Variants in ARHGEF11 observed in about 807,000 individuals in gnomAD.
The protein encoded by ARHGEF11 is Rho guanine nucleotide exchange factor 11, also known as Rho guanine exchange factor (GEF) 11.
In ARHGEF11, 55 loss-of-function variants were observed where a neutral mutation model predicts 193.7. The observed-to-expected ratio is 0.28, with a 90% CI of 0.23 to 0.36. The LOEUF is 0.36. ARHGEF11 is among the 10% of genes least tolerant of loss of function. The pLI is 1.00. For synonymous variants in ARHGEF11, 693 were observed against 768.0 expected (o/e 0.90, Z 1.62); for missense variants, 1,723 against 2,005.6 (o/e 0.86, Z 2.69).
At chr1:156,978,069 T>C in intron 6 of ARHGEF11, 135 bp downstream of exon 6, 10 of 1,366,784 alleles carry the variant, frequency 7.3e-6, no homozygotes, top group Non-Finnish European at 9.9e-6. Flanking sequence ...TTCAACTCTT[T>C]CAATGGTCTT....
At chr1:156,975,612 A>T (rs981384804) in intron 7 of ARHGEF11, among the ~76,000 whole-genome samples, 2 of 152,160 alleles carry the variant, frequency 1.3e-5, no homozygotes, top group African/African-American at 4.8e-5. Flanking sequence ...CATATCTAAG[A>T]AACCACTGCC....
Position 156,948,614 on chromosome 1 carries a change from C to T in ARHGEF11, c.1926-116G>A. ...AAGATGCCTCCGTGCCACAGGTTCT[C>T]CTCCTGAACATGGCCAAAGCAGCTG... is the stretch of plus-strand genomic sequence containing the variant. On this transcript the variant is annotated intron_variant, in intron 22 of 40. Transcript: ENST00000368194. This position sits in a 1 kb window ranked among gnomAD's most constrained non-coding sequence, Gnocchi z 4.2. The T allele has an allele frequency of 6.3e-7, 1 of 1,595,772 alleles. No individual in the cohort carries two copies. Among genetic ancestry groups the T allele is most frequent in the South Asian group, 1.1e-5 (1 of 88,932 alleles).
chr1:156,997,508 C>T (rs1385793793), intron 1 of ARHGEF11, among the ~76,000 whole-genome samples: 1 of 152,178 alleles, frequency 6.6e-6, no homozygotes, highest in Admixed American at 6.5e-5. Flanking sequence ...GCCCAGACAC[C>T]AGCTGCGGCA....
intron 38 of ARHGEF11, among the ~76,000 whole-genome samples, chr1:156,937,906 G>A (rs1345841285): frequency 6.6e-6 from 1 of 152,200 alleles, no homozygotes; most frequent in Non-Finnish European, 1.5e-5. Flanking sequence ...GCCCTGCCCT[G>A]CCCCTCTTCC....
intron 1 of ARHGEF11, among the ~76,000 whole-genome samples, chr1:157,026,334 A>G (rs1670636077): frequency 6.6e-6 from 1 of 152,194 alleles, no homozygotes; most frequent in South Asian, 2.1e-4. Flanking sequence ...CCATCCTCCT[A>G]GAACACACAC....
chr1:157,045,942 C>T (rs1419560091), upstream of ARHGEF11, among the ~76,000 whole-genome samples: 7 of 150,902 alleles, frequency 4.6e-5, no homozygotes. Flanking sequence ...CCTTTCCCCT[C>T]ACGCCGCGGC....
At chr1:156,946,430 G>T (rs943491053) in intron 28 of ARHGEF11, among the ~76,000 whole-genome samples, 1 of 152,196 alleles carries the variant, frequency 6.6e-6, no homozygotes, top group Non-Finnish European at 1.5e-5. Flanking sequence ...TCCATCTCAG[G>T]ACACACAGGT....
intron 10 of ARHGEF11, 144 bp from the exon 11 acceptor site, chr1:156,968,268 A>AGGCACAG: frequency 1.1e-6 from 1 of 874,856 alleles, no homozygotes; most frequent in Non-Finnish European, 1.7e-6. Flanking sequence ...GTATTATACT[A>AGGCACAG]AGCCCTTCAT....
At chr1:157,041,577 C>T (rs1432286305) in intron 1 of ARHGEF11, among the ~76,000 whole-genome samples, 1 of 152,166 alleles carries the variant, frequency 6.6e-6, no homozygotes, top group Non-Finnish European at 1.5e-5. Context: ...AGGAAACCTT[C>T]TCTAATTGAC....
intron 1 of ARHGEF11, among the ~76,000 whole-genome samples, chr1:157,022,309 T>C (rs1298571889): frequency 6.6e-6 from 1 of 151,872 alleles, no homozygotes; most frequent in Non-Finnish European, 1.5e-5. Flanking sequence ...CCTATTACAA[T>C]AAAAACAAAG....
intron 1 of ARHGEF11, among the ~76,000 whole-genome samples, chr1:156,996,197 A>G (rs1208007670): frequency 1.3e-5 from 2 of 152,244 alleles, no homozygotes; most frequent in African/African-American, 4.8e-5. Context: ...TTAAGCTCCT[A>G]AATTCTTCAA....
At chr1:156,963,018 G>A (rs1661178085) in intron 13 of ARHGEF11, among the ~76,000 whole-genome samples, 185 bp downstream of exon 13, 1 of 151,284 alleles carries the variant, frequency 6.6e-6, no homozygotes. Context: ...TTAGTTAGCT[G>A]TGTCATACAG....
chr1:156,957,720 T>C lies in ARHGEF11; in HGVS notation c.1526+72A>G, dbSNP rs1660169496. 1.3e-6 allele frequency: 2 copies of C among 1,509,560 alleles called. 1 individual carries two copies. The highest frequency in any genetic ancestry group is 2.3e-5 in the South Asian group (2 of 88,800). The allele number at this position is 1,509,560 out of a possible 1,614,324, so 93.5% of individuals were successfully genotyped here. On this transcript the variant is annotated intron_variant, in intron 18 of 40. Transcript: ENST00000368194. ...GGGACTCCCCTGTGATTGTCAGAAA[T>C]GGAAAGCATAGTAGCTCAACCCCAC...
intron 35 of ARHGEF11, 147 bp downstream of exon 35, chr1:156,941,222 TTCC>T: frequency 1.5e-6 from 1 of 676,220 alleles, no homozygotes; most frequent in South Asian, 1.6e-5. Flanking sequence ...TTCCAGACTC[TTCC>T]TCCCGCCCTG....
At chr1:156,939,466 G>C in intron 37 of ARHGEF11, 82 bp downstream of exon 37, 1 of 1,587,062 alleles carries the variant, frequency 6.3e-7, no homozygotes, top group African/African-American at 1.3e-5. Flanking sequence ...GGGGAGTATA[G>C]GGAAGGAAGC....
Position 156,945,162 on chromosome 1 carries a change from G to A in ARHGEF11, c.2848C>T (p.Arg950Trp), listed in dbSNP as rs751287525. 6.8e-6 allele frequency: 11 copies of A among 1,614,054 alleles called. No individual in the cohort carries two copies. The highest frequency in any genetic ancestry group is 3.3e-5 in the Admixed American group (2 of 60,024). The change falls in exon 30 of 41, where the codon CGG becomes TGG. Residue 950 changes from arginine (R) to tryptophan (W), a missense_variant. This residue lies in a region of ARHGEF11 where 491 missense variants were observed against 654.5 expected (regional missense o/e 0.75). Transcript: ENST00000368194. ...TTGAGAATCTCCCGGCACTGGTCCC[G>A]GGCCCGGCACAGCTTCTCATGCTCA... ...TSEHEKLCRARDQCREILKYV... is the reference protein window; with the variant it reads ...TSEHEKLCRAWDQCREILKYV...
chr1:156,942,000 G>A lies in ARHGEF11; in HGVS notation c.3327-11C>T. On this transcript the variant is annotated splice_polypyrimidine_tract_variant and intron_variant, in intron 33 of 40. Coordinates refer to ENST00000368194, the MANE Select transcript of ARHGEF11 (RefSeq NM_198236.3). ...AAGAGCTCCATCCATCTGTTGCTCG[G>A]CAGGAACAGAGAGGACTGTAGTGAG... The A allele has an allele frequency of 6.2e-7, 1 of 1,614,062 alleles. No homozygotes were observed.
chr1:156,947,182 T>C, intron 26 of ARHGEF11, 122 bp downstream of exon 26: 1 of 1,490,644 alleles, frequency 6.7e-7, no homozygotes, highest in Non-Finnish European at 9.1e-7. Context: ...TCCACAGATC[T>C]TTTTCTCACC....
intron 1 of ARHGEF11, among the ~76,000 whole-genome samples, chr1:157,015,842 A>G (rs1669156094): frequency 6.6e-6 from 1 of 152,172 alleles, no homozygotes; most frequent in African/African-American, 2.4e-5. Flanking sequence ...CATTCACCCA[A>G]TCAAAAACAT....
Sources: allele counts gnomAD v4.1 joint callset (sites outside exome capture counted in the v4.1 genomes callset), GRCh38; gene constraint gnomAD v4.1.1; regional missense constraint gnomAD v4.1.1; non-coding constraint Gnocchi (gnomAD v3.1); transcripts MANE v1.5; gene names NCBI Gene and HGNC (gene_info 2026-07-23, HGNC 2026-07-21).